The following RAD51B variants were observed in gnomAD, a reference collection of about 807,000 sequenced individuals.
The protein encoded by RAD51B is DNA repair protein RAD51 homolog 2.
In RAD51B, 38 loss-of-function variants were observed where a neutral mutation model predicts 42.2. The ratio of observed to expected loss-of-function variants is 0.90; its 90% CI spans 0.70 to 1.18. The LOEUF is 1.18. Among genes scored for constraint, RAD51B ranks in the 50% most tolerant of loss-of-function variants. RAD51B has a pLI of 0.00. For synonymous variants in RAD51B, 154 were observed against 145.2 expected, an observed-to-expected ratio of 1.06 and a Z score of -0.43; for missense variants, 373 against 400.7, an observed-to-expected ratio of 0.93 and a Z score of 0.59.
intron 11 of RAD51B, among the ~76,000 whole-genome samples, chr14:68,668,007 T>C (rs1052067297): frequency 6.6e-6 from 1 of 152,122 alleles, no homozygotes; most frequent in Non-Finnish European, 1.5e-5. Flanking sequence ...AAGAAGCACT[T>C]CCCTGGCCTG....
At position 68,064,166 on chromosome 14, in the gene RAD51B, G is replaced by C. The variant is rs1250218485; in HGVS notation, c.756+176962G>C. Among the ~76,000 whole-genome samples, 5 of 152,134 alleles carry C rather than the reference G, an allele frequency of 3.3e-5. No individual in the cohort carries two copies. The South Asian group carries it at 1.0e-3, about 32-fold the overall frequency. ...GTGGTGATGAATTCTCTCAGTGTTT[G>C]CTTTCTTAGGAAAGACTTTATTTCT... On this transcript the variant is annotated intron_variant, in intron 7 of 10. Transcript: ENST00000471583.
At chr14:68,549,446 C>T (rs1012884744) in intron 10 of RAD51B, among the ~76,000 whole-genome samples, 4 of 74,558 alleles carry the variant, frequency 5.4e-5, no homozygotes, top group African/African-American at 1.7e-4. Flanking sequence ...GACGGAGTTT[C>T]GCTCTGTCGC....
chr14:68,358,712 A>G (rs771375045), intron 8 of RAD51B, among the ~76,000 whole-genome samples: 1 of 152,212 alleles, frequency 6.6e-6, no homozygotes, highest in Non-Finnish European at 1.5e-5. Flanking sequence ...TAGGAAGGTT[A>G]TGGTCTGGTT....
chr14:67,921,410 T>C (rs1045385553), intron 7 of RAD51B, among the ~76,000 whole-genome samples: 21 of 152,296 alleles, frequency 1.4e-4, no homozygotes, highest in African/African-American at 5.1e-4. Context: ...GTAATTATTA[T>C]TGTAACCAAT....
intron 9 of RAD51B, among the ~76,000 whole-genome samples, chr14:68,447,946 C>T (rs2085460726): frequency 1.3e-5 from 2 of 152,148 alleles, no homozygotes; most frequent in African/African-American, 4.8e-5. Context: ...CTGATATTTA[C>T]TGAACATCTA....
At chr14:67,984,981 G>A (rs1314536078) in intron 7 of RAD51B, among the ~76,000 whole-genome samples, 2 of 152,152 alleles carry the variant, frequency 1.3e-5, no homozygotes. Flanking sequence ...AGAACAAAAA[G>A]TTAAGAAACC....
At chr14:68,578,614 C>T (rs1356414559) in intron 10 of RAD51B, among the ~76,000 whole-genome samples, 1 of 152,116 alleles carries the variant, frequency 6.6e-6, no homozygotes, top group Non-Finnish European at 1.5e-5. Flanking sequence ...AGCCTCTCTC[C>T]TTGAAGGATA....
At chr14:68,050,797 A>G (rs2076380616) in intron 7 of RAD51B, among the ~76,000 whole-genome samples, 1 of 152,160 alleles carries the variant, frequency 6.6e-6, no homozygotes, top group African/African-American at 2.4e-5. Flanking sequence ...TTATATGCAA[A>G]TACATTATAT....
At chr14:68,609,650 T>C (rs1891598096) in intron 10 of RAD51B, among the ~76,000 whole-genome samples, 1 of 152,154 alleles carries the variant, frequency 6.6e-6, no homozygotes, top group Admixed American at 6.5e-5. Flanking sequence ...GCCACAAGCA[T>C]GGCGTCCTCT....
intron 10 of RAD51B, among the ~76,000 whole-genome samples, chr14:68,533,203 T>C (rs1292111590): frequency 6.6e-6 from 1 of 152,198 alleles, no homozygotes; most frequent in Non-Finnish European, 1.5e-5. Context: ...ATAAGAGATT[T>C]CATTGAGTTT....
intron 7 of RAD51B, among the ~76,000 whole-genome samples, chr14:68,025,536 C>G (rs1322257364): frequency 1.4e-5 from 1 of 70,024 alleles, no homozygotes; most frequent in Non-Finnish European, 2.7e-5. Context: ...ATTATTATTA[C>G]TGATTTAATT....
chr14:68,486,092 T>G (rs970991999), intron 10 of RAD51B, among the ~76,000 whole-genome samples: 8 of 152,224 alleles, frequency 5.3e-5, no homozygotes, highest in Admixed American at 1.3e-4. Context: ...CCATATTATT[T>G]TTAGTGGACG....
chr14:68,078,141 C>G (rs1418706710), intron 7 of RAD51B, among the ~76,000 whole-genome samples: 1 of 151,964 alleles, frequency 6.6e-6, no homozygotes, highest in African/African-American at 2.4e-5. Context: ...TTTTCATTAT[C>G]TTAAGGATAT....
chr14:68,475,815 A>C (rs933859368), intron 10 of RAD51B, among the ~76,000 whole-genome samples: 8 of 152,238 alleles, frequency 5.3e-5, no homozygotes, highest in Non-Finnish European at 1.0e-4. Context: ...CCACTTGGCT[A>C]TCTTTGCAGA....
At chr14:68,282,039 T>A (rs1188775156) in intron 7 of RAD51B, among the ~76,000 whole-genome samples, 1 of 151,648 alleles carries the variant, frequency 6.6e-6, no homozygotes. Context: ...TGGAGTGCAA[T>A]GGCGTGACCT....
intron 7 of RAD51B, among the ~76,000 whole-genome samples, chr14:68,191,072 A>G (rs910415662): frequency 6.6e-6 from 1 of 152,220 alleles, no homozygotes; most frequent in Non-Finnish European, 1.5e-5. Context: ...TTCTTAAAAG[A>G]ATGTTATAAA....
At chr14:68,499,084 G>A (rs1490581324) in intron 10 of RAD51B, among the ~76,000 whole-genome samples, 1 of 152,198 alleles carries the variant, frequency 6.6e-6, no homozygotes, top group African/African-American at 2.4e-5. Flanking sequence ...AGAGGAGAAG[G>A]TGAAGGGTTT....
intron 10 of RAD51B, among the ~76,000 whole-genome samples, chr14:68,602,450 G>T (rs1360936431): frequency 6.6e-6 from 1 of 151,990 alleles, no homozygotes; most frequent in Non-Finnish European, 1.5e-5. Flanking sequence ...AGAACCAACA[G>T]GGTTGGATGC....
intron 8 of RAD51B, among the ~76,000 whole-genome samples, chr14:68,314,826 A>G (rs1438602880): frequency 6.6e-6 from 1 of 152,100 alleles, no homozygotes; most frequent in Admixed American, 6.5e-5. Context: ...TGGGTTCTTA[A>G]TTACGACTTC....
Sources: allele counts gnomAD v4.1 joint callset (sites outside exome capture counted in the v4.1 genomes callset), GRCh38; gene constraint gnomAD v4.1.1; transcripts MANE v1.5; gene names NCBI Gene and HGNC (gene_info 2026-07-23, HGNC 2026-07-21).